CYP2C18: variants seen among roughly 807,000 people sequenced by gnomAD.
CYP2C18 encodes the protein cytochrome P450 2C18.
Under a neutral mutation model 41.3 loss-of-function variants are expected in CYP2C18, and 38 were observed. The observed-to-expected ratio is 0.92, with a 90% CI of 0.71 to 1.21. The LOEUF (loss-of-function observed/expected upper bound fraction) is 1.21. Among genes scored for constraint, CYP2C18 ranks in the 50% most tolerant of loss-of-function variants. The probability of loss-of-function intolerance (pLI) is 0.00; values close to 1 mark genes in which losing one functional copy is unlikely to be tolerated. For missense variants in CYP2C18, 635 were observed against 591.4 expected (o/e 1.07, Z -0.77); for synonymous variants, 236 against 210.0 (o/e 1.12, Z -1.07).
At chr10:94,698,658 C>G (rs1406776923) in intron 4 of CYP2C18, among the ~76,000 whole-genome samples, 2 of 148,996 alleles carry the variant, frequency 1.3e-5, no homozygotes, top group African/African-American at 5.0e-5. Context: ...GATAGAGATG[C>G]AAAAAACCCT....
intron 5 of CYP2C18, 81 bp from the exon 6 acceptor site, chr10:94,720,315 C>A: frequency 7.9e-7 from 1 of 1,265,048 alleles, no homozygotes; most frequent in Non-Finnish European, 1.1e-6. Context: ...ATCTTTAGAA[C>A]AACCTGATAT....
intron 4 of CYP2C18, among the ~76,000 whole-genome samples, chr10:94,704,831 G>A (rs1232806328): frequency 6.6e-6 from 1 of 152,156 alleles, no homozygotes; most frequent in East Asian, 1.9e-4. Flanking sequence ...GCTCTACTGT[G>A]TGCCTTAACT....
intron 5 of CYP2C18, among the ~76,000 whole-genome samples, chr10:94,716,584 G>A (rs1178539664): frequency 1.3e-5 from 2 of 152,162 alleles, no homozygotes; most frequent in Non-Finnish European, 2.9e-5. Context: ...ATTTGCTGAG[G>A]AGTGCTTTAA....
chr10:94,715,939 C>T (rs1225814399), intron 5 of CYP2C18, among the ~76,000 whole-genome samples: 2 of 152,098 alleles, frequency 1.3e-5, no homozygotes, highest in Admixed American at 6.6e-5. Flanking sequence ...GAAATTTATC[C>T]ATTTCTTCTA....
chr10:94,714,095 A>C (rs1445203114), intron 5 of CYP2C18, among the ~76,000 whole-genome samples: 2 of 152,140 alleles, frequency 1.3e-5, no homozygotes, highest in Non-Finnish European at 2.9e-5. Flanking sequence ...TCAGATGAGT[A>C]GATTGCAAAA....
intron 5 of CYP2C18, among the ~76,000 whole-genome samples, chr10:94,715,079 G>A (rs1028584670): frequency 1.3e-5 from 2 of 152,170 alleles, no homozygotes; most frequent in South Asian, 2.1e-4. Flanking sequence ...GAGATTTTGG[G>A]CTGAGGCAAT....
rs1847748586 is a variant in CYP2C18, at chr10:94,726,688, A to G, written c.1149+2155A>G. Among the ~76,000 whole-genome samples the G allele has an allele frequency of 2.0e-5, 3 of 151,964 alleles. No individual in the cohort carries two copies. In the South Asian group the frequency reaches 6.2e-4, roughly 31 times the overall value. ...CAAAAATTGACTGTAGCCATCAAAAATTGACTGTAACCTCTCTGAGTTCCC... is the reference window on the plus strand; with the variant it reads ...CAAAAATTGACTGTAGCCATCAAAAGTTGACTGTAACCTCTCTGAGTTCCC... On this transcript the variant is annotated intron_variant, in intron 7 of 8. Coordinates refer to ENST00000285979, the MANE Select transcript of CYP2C18 (RefSeq NM_000772.3).
At chr10:94,724,060 A>T (rs978105953) in intron 6 of CYP2C18, among the ~76,000 whole-genome samples, 1 of 151,882 alleles carries the variant, frequency 6.6e-6, no homozygotes, top group African/African-American at 2.4e-5. Flanking sequence ...TGAGTTTATA[A>T]TGTACTAAAT....
At chr10:94,704,318 G>A (rs1847298618) in intron 4 of CYP2C18, among the ~76,000 whole-genome samples, 1 of 150,882 alleles carries the variant, frequency 6.6e-6, no homozygotes, top group Non-Finnish European at 1.5e-5. Context: ...TTTGTTGCCT[G>A]CTATAGTTTT....
intron 7 of CYP2C18, among the ~76,000 whole-genome samples, chr10:94,725,455 T>C (rs770765901): frequency 5.3e-5 from 8 of 152,092 alleles, no homozygotes; most frequent in Non-Finnish European, 1.0e-4. Context: ...TATAACTCAG[T>C]TTTCTCTTTA....
chr10:94,724,214 T>C, intron 6 of CYP2C18, 132 bp from the exon 7 acceptor site: 5 of 852,264 alleles, frequency 5.9e-6, no homozygotes, highest in South Asian at 1.6e-5. Context: ...TCCCTAAGTC[T>C]AGGTGTACTT....
chr10:94,690,508 C>A (rs1473215910), intron 3 of CYP2C18, among the ~76,000 whole-genome samples: 1 of 152,116 alleles, frequency 6.6e-6, no homozygotes, highest in Non-Finnish European at 1.5e-5. Context: ...TCTGAATAGA[C>A]CAATAACAGT....
Position 94,735,299 on chromosome 10 carries a change from T to G in CYP2C18, c.1328T>G (p.Met443Arg), listed in dbSNP as rs543099807. 3.1e-6 allele frequency: 5 copies of G among 1,613,544 alleles called. No individual in the cohort carries two copies. The highest frequency in any genetic ancestry group is 4.2e-6 in the Non-Finnish European group (5 of 1,179,712). ...TGTATGGGAGAGGGCCTGGCCCGCA[T>G]GGAGCTGTTTTTATTCCTGACCACC... The part of the protein sequence containing the change: ...RMCMGEGLAR[M>R]ELFLFLTTIL... Residue 443 changes from methionine to arginine, a missense_variant, in exon 9 of 9, where the codon ATG becomes AGG. Met to Arg is a moderately conservative substitution (Grantham distance 91). Transcript: ENST00000285979.
rs952794881 is a variant in CYP2C18 at position 94,704,684 on chromosome 10, TCTC to T, written c.643-2099_643-2097del. Among the ~76,000 whole-genome samples, 12 of 152,252 alleles carry T rather than the reference TCTC, an allele frequency of 7.9e-5. 1 individual carries two copies. The highest frequency in any genetic ancestry group is 6.5e-4 in the Admixed American group (10 of 15,280). On this transcript the variant is annotated intron_variant, in intron 4 of 8. Transcript: ENST00000285979. ...AGCCAGAGGTGAAAGTTCAGGATCTTCTCACATTTTTCTAACTAGCCTGTCCCG... is the reference window on the plus strand; with the variant it reads ...AGCCAGAGGTGAAAGTTCAGGATCTTACATTTTTCTAACTAGCCTGTCCCG...
intron 5 of CYP2C18, among the ~76,000 whole-genome samples, chr10:94,710,949 C>T (rs1329782785): frequency 2.0e-5 from 3 of 152,112 alleles, no homozygotes; most frequent in East Asian, 3.8e-4. Context: ...TAGACTGTCC[C>T]ATTGTTATGG....
At chr10:94,684,869 A>G (rs931931307) in intron 1 of CYP2C18, among the ~76,000 whole-genome samples, 14 of 152,180 alleles carry the variant, frequency 9.2e-5, no homozygotes, top group African/African-American at 3.4e-4. Context: ...TCTTTTTGAT[A>G]ATAATAATAT....
At chr10:94,715,961 T>G (rs1002651564) in intron 5 of CYP2C18, among the ~76,000 whole-genome samples, 4 of 152,180 alleles carry the variant, frequency 2.6e-5, no homozygotes, top group Non-Finnish European at 5.9e-5. Context: ...ATTTTCTAAT[T>G]TATTTGCGTA....
chr10:94,734,898 A>G (rs966269012), intron 8 of CYP2C18, among the ~76,000 whole-genome samples: 3 of 152,286 alleles, frequency 2.0e-5, no homozygotes, highest in Admixed American at 2.0e-4. Context: ...ACAAAGGGGA[A>G]CACACTATAT....
chr10:94,735,285 G>A lies in CYP2C18; in HGVS notation c.1314G>A (p.Glu438=). ...FSAGKRMCMG[E]GLARMELFLF... is the part of the protein sequence containing the mutation. The stretch of plus-strand genomic sequence containing the variant: ...CAGGAAAACGGATGTGTATGGGAGA[G>A]GGCCTGGCCCGCATGGAGCTGTTTT... The change falls in exon 9 of 9, where the codon GAG becomes GAA. Residue 438 remains glutamate, a synonymous_variant. Coordinates refer to ENST00000285979, the MANE Select transcript of CYP2C18 (RefSeq NM_000772.3). 1 of 1,613,528 alleles carries A rather than the reference G, an allele frequency of 6.2e-7. No homozygotes were observed. Among genetic ancestry groups the A allele is most frequent in the Non-Finnish European group, 8.5e-7 (1 of 1,179,646 alleles).
Sources: gnomAD v4.1 joint callset for allele counts (sites outside exome capture counted in the v4.1 genomes callset) on GRCh38, gnomAD v4.1.1 for gene constraint, MANE v1.5 for transcripts, NCBI Gene and HGNC (gene_info 2026-07-23, HGNC 2026-07-21) for gene names.